Variants in CTTNBP2 observed in about 807,000 individuals in gnomAD.
The protein encoded by CTTNBP2 is cortactin-binding protein 2.
Under a neutral mutation model 156.9 loss-of-function variants are expected in CTTNBP2, and 108 were observed. The observed-to-expected ratio is 0.69, with a 90% CI of 0.59 to 0.81. The LOEUF (loss-of-function observed/expected upper bound fraction) is 0.81. Among genes scored for constraint, CTTNBP2 ranks in the 30% least tolerant of loss-of-function variants. The probability of loss-of-function intolerance (pLI) is 0.00; values close to 1 mark genes in which losing one functional copy is unlikely to be tolerated. For synonymous variants in CTTNBP2, 767 were observed against 751.8 expected, an observed-to-expected ratio of 1.02 and a Z score of -0.33; for missense variants, 1,924 against 2,035.4, an observed-to-expected ratio of 0.95 and a Z score of 1.05.
chr7:117,778,347 C>A (rs1584988435), intron 7 of CTTNBP2, among the ~76,000 whole-genome samples: 1 of 152,150 alleles, frequency 6.6e-6, no homozygotes, highest in African/African-American at 2.4e-5. Flanking sequence ...TTTGTGACTG[C>A]AGAGGGATAC....
chr7:117,850,749 A>G (rs1046359336), intron 2 of CTTNBP2, among the ~76,000 whole-genome samples: 1 of 152,242 alleles, frequency 6.6e-6, no homozygotes, highest in South Asian at 2.1e-4. Context: ...CATATCAGTC[A>G]TGGTACATAA....
Position 117,792,539 on chromosome 7 carries a change from T to G in CTTNBP2, c.657A>C (p.Arg219Ser), listed in dbSNP as rs759183949. ...LEEELSAEKR[R>S]STEMEAQMEK... ...CCATCTGAGCTTCCATTTCTGTGCT[T>G]CTTCGTTTCTCAGCGGAGAGTTCCT... The change falls in exon 4 of 23, where the codon AGA becomes AGC. Residue 219 changes from arginine to serine, a missense_variant. Transcript: ENST00000160373. This position sits in a 1 kb window ranked among gnomAD's most constrained non-coding sequence, Gnocchi z 4.2. 2 of 1,614,214 alleles carry G rather than the reference T, an allele frequency of 1.2e-6. No homozygotes were observed. The highest frequency in any genetic ancestry group is 1.7e-6 in the Non-Finnish European group (2 of 1,180,040).
intron 2 of CTTNBP2, among the ~76,000 whole-genome samples, chr7:117,813,907 C>A (rs1800428371): frequency 2.0e-5 from 3 of 152,188 alleles, no homozygotes; most frequent in African/African-American, 7.2e-5. Context: ...TAAAAGTCAA[C>A]ACTAGCTTTT....
intron 8 of CTTNBP2, among the ~76,000 whole-genome samples, chr7:117,770,546 G>C (rs774987826): frequency 1.2e-4 from 19 of 152,210 alleles, no homozygotes; most frequent in South Asian, 4.1e-4. Flanking sequence ...CAAGTATTCA[G>C]TGTTCGTTTA....
intron 3 of CTTNBP2, among the ~76,000 whole-genome samples, chr7:117,801,976 A>G (rs1434957646): frequency 2.0e-5 from 3 of 151,698 alleles, no homozygotes; most frequent in African/African-American, 7.3e-5. Flanking sequence ...TTACATATGT[A>G]TACATGTGCC....
chr7:117,771,870 G>A (rs1288873487), intron 8 of CTTNBP2, among the ~76,000 whole-genome samples: 1 of 152,154 alleles, frequency 6.6e-6, no homozygotes, highest in Non-Finnish European at 1.5e-5. Flanking sequence ...AAGAAGCCAA[G>A]ACAAGCTGAA....
intron 2 of CTTNBP2, among the ~76,000 whole-genome samples, chr7:117,831,026 A>C (rs1259197183): frequency 6.6e-6 from 1 of 152,178 alleles, no homozygotes; most frequent in East Asian, 1.9e-4. Context: ...TGTAATTCTA[A>C]CTGTGTATGA....
intron 22 of CTTNBP2, among the ~76,000 whole-genome samples, chr7:117,716,950 C>T (rs1004290271): frequency 1.6e-4 from 25 of 152,242 alleles, no homozygotes; most frequent in East Asian, 3.8e-4. Flanking sequence ...CTGCTCTCTG[C>T]GCCCCACCTT....
chr7:117,786,677 A>G (rs1251176830), intron 4 of CTTNBP2, among the ~76,000 whole-genome samples: 1 of 152,180 alleles, frequency 6.6e-6, no homozygotes, highest in Non-Finnish European at 1.5e-5. Flanking sequence ...TCTTTTATGA[A>G]TACCAATATA....
At chr7:117,731,406 T>C (rs1294425394) in intron 16 of CTTNBP2, among the ~76,000 whole-genome samples, 1 of 152,216 alleles carries the variant, frequency 6.6e-6, no homozygotes, top group Non-Finnish European at 1.5e-5. Flanking sequence ...GAATAAAAAC[T>C]GTCCTCCAAG....
In CTTNBP2 at chr7:117,724,565, G is replaced by C; in HGVS notation, c.4429C>G (p.Pro1477Ala). 6.2e-7 allele frequency: 1 copy of C among 1,613,702 alleles called. No homozygotes were observed. The highest frequency in any genetic ancestry group is 8.5e-7 in the Non-Finnish European group (1 of 1,179,972). Residue 1477 changes from proline to alanine, a missense_variant, in exon 19 of 23, where the codon CCA becomes GCA. Coordinates refer to ENST00000160373, the MANE Select transcript of CTTNBP2 (RefSeq NM_033427.3). ...GRFSLPTWNK[P>A]DLSTEGMKNK... Reference sequence around the variant, plus strand: ...CCTTTACCTTCAGTGCTTAGGTCTGGCTTATTCCAGGTGGGTAAAGAGAAG... The same window carrying C: ...CCTTTACCTTCAGTGCTTAGGTCTGCCTTATTCCAGGTGGGTAAAGAGAAG...
At chr7:117,767,223 T>C in intron 8 of CTTNBP2, 47 bp from the exon 9 acceptor site, 1 of 1,059,122 alleles carries the variant, frequency 9.4e-7, no homozygotes, top group Non-Finnish European at 1.5e-6. Context: ...ATGAATTAAC[T>C]TGAATGCAAA....
At chr7:117,766,047 T>C (rs1206666868) in intron 9 of CTTNBP2, among the ~76,000 whole-genome samples, 3 of 152,222 alleles carry the variant, frequency 2.0e-5, no homozygotes, top group Non-Finnish European at 4.4e-5. Flanking sequence ...TTTAAATGTT[T>C]AATATCAGAA....
At chr7:117,850,874 C>T (rs921488902) in intron 2 of CTTNBP2, among the ~76,000 whole-genome samples, 1 of 152,162 alleles carries the variant, frequency 6.6e-6, no homozygotes, top group Non-Finnish European at 1.5e-5. Flanking sequence ...TTAGCTTACA[C>T]TCTCTTCCCA....
In CTTNBP2 at chr7:117,784,223, G is replaced by A. The variant is rs7811545; in HGVS notation, c.2272+28C>T. ...TTTGACTTTCCATCCTTTTGCAAGTGTGTGGTATAAGATCTCGCCATATTT... is the reference window on the plus strand; with the variant it reads ...TTTGACTTTCCATCCTTTTGCAAGTATGTGGTATAAGATCTCGCCATATTT... On this transcript the variant is annotated intron_variant, in intron 5 of 22. Coordinates refer to ENST00000160373, the MANE Select transcript of CTTNBP2 (RefSeq NM_033427.3). The A allele has an allele frequency of 2.0e-3, 3,008 of 1,506,168 alleles. 50 individuals carry two copies. The African/African-American group carries it at 0.037, about 19-fold the overall frequency. 93.3% of individuals were successfully genotyped at this position (1,506,168 alleles called of 1,614,324 possible). A position where few individuals can be genotyped will look rare whatever the true frequency, so the allele number is the denominator to read the frequency against.
chr7:117,774,168 G>C (rs541628006), intron 8 of CTTNBP2, among the ~76,000 whole-genome samples: 109 of 152,280 alleles, frequency 7.2e-4, no homozygotes, highest in Non-Finnish European at 4.9e-4. Flanking sequence ...CAGGCCAGCT[G>C]TAGAGAGAGG....
In CTTNBP2 at chr7:117,792,855, G is replaced by T. The variant is rs1799110493; in HGVS notation, c.415-74C>A. 9.3e-7 allele frequency: 1 copy of T among 1,079,158 alleles called. No homozygotes were observed. 66.8% of individuals were successfully genotyped at this position (1,079,158 alleles called of 1,614,324 possible). A position where few individuals can be genotyped will look rare whatever the true frequency, so the allele number is the denominator to read the frequency against. On this transcript the variant is annotated intron_variant, in intron 3 of 22. Transcript: ENST00000160373. The surrounding 1 kb of genome is among the most constrained non-coding windows in gnomAD (Gnocchi z 4.2). ...TTCACCAAGGAAATGCTTTTTGTGA[G>T]ATTTTTATTAATTTTCTAACAATTA...
At chr7:117,751,353 C>A (rs1209538635) in intron 12 of CTTNBP2, among the ~76,000 whole-genome samples, 1 of 152,216 alleles carries the variant, frequency 6.6e-6, no homozygotes, top group East Asian at 1.9e-4. Context: ...TCTAGGCCAG[C>A]TTGTGCTGAC....
chr7:117,863,688 C>A (rs1378536681), intron 1 of CTTNBP2, among the ~76,000 whole-genome samples: 2 of 152,206 alleles, frequency 1.3e-5, no homozygotes, highest in African/African-American at 2.4e-5. Flanking sequence ...GTCTACCCTG[C>A]ATTCTTGTGA....
Sources: allele counts gnomAD v4.1 joint callset (sites outside exome capture counted in the v4.1 genomes callset), GRCh38; gene constraint gnomAD v4.1.1; non-coding constraint Gnocchi (gnomAD v3.1); transcripts MANE v1.5; gene names NCBI Gene and HGNC (gene_info 2026-07-23, HGNC 2026-07-21).